Variants in GRHL2 observed in about 807,000 individuals in gnomAD.
GRHL2 encodes the protein grainyhead-like protein 2 homolog.
In GRHL2, 21 loss-of-function variants were observed where a neutral mutation model predicts 83.8. That is an observed-to-expected ratio of 0.25 (90% CI 0.18 to 0.36). The LOEUF is 0.36. Among genes scored for constraint, GRHL2 ranks in the 10% least tolerant of loss-of-function variants. The probability of loss-of-function intolerance (pLI) is 1.00; values close to 1 mark genes in which losing one functional copy is unlikely to be tolerated. For synonymous variants in GRHL2, 280 were observed against 278.9 expected (o/e 1.00, Z -0.04); for missense variants, 623 against 781.8 (o/e 0.80, Z 2.42).
intron 15 of GRHL2, 45 bp from the exon 16 acceptor site, chr8:101,666,544 T>C (rs772643325): frequency 8.6e-6 from 10 of 1,156,342 alleles, no homozygotes; most frequent in Middle Eastern, 1.9e-4. Context: ...GGGCACATTG[T>C]TCACGGCGTC....
At chr8:101,545,755 T>C (rs1342809322) in intron 2 of GRHL2, among the ~76,000 whole-genome samples, 1 of 151,864 alleles carries the variant, frequency 6.6e-6, no homozygotes, top group Admixed American at 6.6e-5. Context: ...GATTTTCTTC[T>C]ATGATGAAAA....
intron 3 of GRHL2, among the ~76,000 whole-genome samples, chr8:101,556,038 C>T (rs946997454): frequency 9.9e-5 from 15 of 152,154 alleles, no homozygotes; most frequent in African/African-American, 3.6e-4. Context: ...TCACTGCAAC[C>T]TCCGATCCCG....
chr8:101,681,078 G>C, the GRHL2 span, among the ~76,000 whole-genome samples: 3 of 143,226 alleles, frequency 2.1e-5, no homozygotes, highest in African/African-American at 8.0e-5. Flanking sequence ...ACTAAAATCA[G>C]AGCAGAACTG....
At chr8:101,681,168 A>T in the GRHL2 span, among the ~76,000 whole-genome samples, 1 of 147,218 alleles carries the variant, frequency 6.8e-6, no homozygotes, top group African/African-American at 2.6e-5. Flanking sequence ...AACAAAATTG[A>T]TAGACCGCTA....
chr8:101,678,213 T>A, the GRHL2 span, among the ~76,000 whole-genome samples: 2 of 151,938 alleles, frequency 1.3e-5, no homozygotes, highest in Non-Finnish European at 2.9e-5. Context: ...TGGGCGCAGG[T>A]CAGTGGGTGC....
At chr8:101,589,189 A>G (rs1220364978) in intron 7 of GRHL2, among the ~76,000 whole-genome samples, 2 of 152,236 alleles carry the variant, frequency 1.3e-5, no homozygotes, top group Non-Finnish European at 1.5e-5. Flanking sequence ...TACTTACCAA[A>G]GCACAGTTTG....
chr8:101,492,825 T>C, intron 1 of GRHL2, 36 bp downstream of exon 1: 2 of 1,606,268 alleles, frequency 1.2e-6, no homozygotes, highest in East Asian at 4.5e-5. Context: ...CTGCTACTAC[T>C]ACCACTTTGG....
At chr8:101,568,462 C>T (rs1264337642) in intron 4 of GRHL2, among the ~76,000 whole-genome samples, 1 of 152,218 alleles carries the variant, frequency 6.6e-6, no homozygotes, top group African/African-American at 2.4e-5. Context: ...TCTATGAAAT[C>T]CCCCTATAAT....
intron 14 of GRHL2, among the ~76,000 whole-genome samples, chr8:101,657,233 C>A (rs982060472): frequency 6.6e-6 from 1 of 152,168 alleles, no homozygotes; most frequent in Non-Finnish European, 1.5e-5. Context: ...ACATAAAAAT[C>A]ATTAAACGTA....
chr8:101,606,232 G>A, intron 8 of GRHL2, among the ~76,000 whole-genome samples: 1 of 152,334 alleles, frequency 6.6e-6, no homozygotes, highest in Non-Finnish European at 1.5e-5. Context: ...CTTTTATAGA[G>A]AGATTCCTCT....
chr8:101,507,189 C>A (rs950177071), intron 1 of GRHL2, among the ~76,000 whole-genome samples: 4 of 152,076 alleles, frequency 2.6e-5, no homozygotes, highest in South Asian at 2.1e-4. Context: ...AAACTATTAA[C>A]CCTTTTGTTA....
At chr8:101,624,559 G>GTAGAACAGTTCACAGTACACAA (rs1813041910) in intron 9 of GRHL2, among the ~76,000 whole-genome samples, 2 of 151,312 alleles carry the variant, frequency 1.3e-5, no homozygotes, top group Non-Finnish European at 2.9e-5. Context: ...ACAGTACACA[G>GTAGAACAGTTCACAGTACACAA]TAGGACAGTA....
chr8:101,553,732 A>G (rs963610007), intron 3 of GRHL2, among the ~76,000 whole-genome samples: 3 of 143,848 alleles, frequency 2.1e-5, no homozygotes, highest in African/African-American at 7.9e-5. Flanking sequence ...GGTTCAAGCT[A>G]TTTTCCTGCC....
At chr8:101,647,884 G>T (rs1255310376) in intron 13 of GRHL2, among the ~76,000 whole-genome samples, 2 of 152,126 alleles carry the variant, frequency 1.3e-5, no homozygotes, top group African/African-American at 4.8e-5. Context: ...ATTGGGAGGA[G>T]GGGGAGGAGG....
intron 1 of GRHL2, among the ~76,000 whole-genome samples, chr8:101,502,335 G>C (rs1810246720): frequency 6.6e-6 from 1 of 152,210 alleles, no homozygotes; most frequent in Admixed American, 6.5e-5. Context: ...ACATTAGCAA[G>C]ACAGGAGGTT....
At chr8:101,544,539 A>G (rs7821460) in intron 2 of GRHL2, among the ~76,000 whole-genome samples, 3,029 of 152,326 alleles carry the variant, frequency 0.02, 113 homozygotes, top group African/African-American at 0.068. Context: ...TTATTAAAGT[A>G]TAAAAAGTTG....
At chr8:101,498,722 G>A (rs916689548) in intron 1 of GRHL2, among the ~76,000 whole-genome samples, 2 of 152,158 alleles carry the variant, frequency 1.3e-5, no homozygotes, top group African/African-American at 4.8e-5. Context: ...AGCAATCAAT[G>A]AAAAGCTATG....
the GRHL2 span, among the ~76,000 whole-genome samples, chr8:101,677,245 A>G: frequency 6.6e-6 from 1 of 151,310 alleles, no homozygotes; most frequent in Non-Finnish European, 1.5e-5. Flanking sequence ...AAAAGGCACC[A>G]AGATGAACAT....
intron 14 of GRHL2, among the ~76,000 whole-genome samples, chr8:101,659,998 T>G (rs1813884193): frequency 3.3e-5 from 5 of 151,400 alleles, no homozygotes; most frequent in Admixed American, 3.3e-4. Context: ...TCTGGAAACT[T>G]TTTTTTTTAC....
Sources: allele counts gnomAD v4.1 joint callset (sites outside exome capture counted in the v4.1 genomes callset), GRCh38; gene constraint gnomAD v4.1.1; transcripts MANE v1.5; gene names NCBI Gene and HGNC (gene_info 2026-07-23, HGNC 2026-07-21).